NDN: variants seen among roughly 807,000 people sequenced by gnomAD.
NDN encodes necdin.
For missense variants in NDN, 465 were observed against 440.4 expected, an observed-to-expected ratio of 1.06 and a Z score of -0.50; for synonymous variants, 245 against 189.4, an observed-to-expected ratio of 1.29 and a Z score of -2.41.
Position 23,686,145 on chromosome 15 carries a change from T to G in NDN, c.*107A>C. 7.4e-7 allele frequency: 1 copy of G among 1,354,076 alleles called. No individual in the cohort carries two copies. The highest frequency in any genetic ancestry group is 9.8e-7 in the Non-Finnish European group (1 of 1,023,732). 83.9% of individuals were successfully genotyped at this position (1,354,076 alleles called of 1,614,324 possible). On this transcript the variant is annotated 3_prime_UTR_variant, in exon 1 of 1. Transcript: ENST00000649030. ...AAGCACTGTACTGAAAACTTAAAAG[T>G]TACACGTGAATACTGCACTGTAAAT...
chr15:23,686,879 G>A lies in NDN; in HGVS notation c.339C>T (p.Asp113=). Residue 113 remains aspartate (D), a synonymous_variant, in exon 1 of 1, where the codon GAC becomes GAT. Coordinates refer to ENST00000649030, the MANE Select transcript of NDN (RefSeq NM_002487.3). ...HELMWYVLVK[D]QKKMIIWFPD... ...GAAACCAGATGATCATCTTCTTCTG[G>A]TCCTTGACCAGCACGTACCACATGA... 6.2e-7 allele frequency: 1 copy of A among 1,614,070 alleles called. No individual in the cohort carries two copies. The highest frequency in any genetic ancestry group is 8.5e-7 in the Non-Finnish European group (1 of 1,179,990).
rs780472439 is a variant in NDN at position 23,686,973 on chromosome 15, G to A, written c.245C>T (p.Ala82Val). The A allele has an allele frequency of 6.6e-6, 10 of 1,517,944 alleles. No individual in the cohort carries two copies. In the South Asian group the frequency reaches 1.1e-4, roughly 17 times the overall value. The allele number at this position is 1,517,944 out of a possible 1,614,324, so 94.0% of individuals were successfully genotyped here. A position where few individuals can be genotyped will look rare whatever the true frequency, so the allele number is the denominator to read the frequency against. ...QAAEEGRAHQAPSAAQPGPAP... is the reference protein window; with the variant it reads ...QAAEEGRAHQVPSAAQPGPAP... ...CGGGCCCGGCTGGGCCGCGCTCGGG[G>A]CCTGGTGGGCGCGGCCCTCCTCCGC... The change falls in exon 1 of 1, where the codon GCC becomes GTC. Residue 82 changes from alanine to valine, a missense_variant. Physicochemically the swap from Ala to Val is moderately conservative, Grantham distance 64. Transcript: ENST00000649030.
In NDN at chr15:23,686,405, G is replaced by C. The variant is rs1891144473; in HGVS notation, c.813C>G (p.Thr271=). The change falls in exon 1 of 1, where the codon ACC becomes ACG. Residue 271 remains threonine (T), a synonymous_variant. Transcript: ENST00000649030. The stretch of plus-strand genomic sequence containing the variant: ...CCAGGAACTCCATGATTTGCATCTT[G>C]GTGATTTCGCGGCTGGCCCGGGAGC... ...FWGSRASREI[T]KMQIMEFLAR... is the part of the protein sequence containing the mutation. The C allele has an allele frequency of 2.5e-6, 4 of 1,608,644 alleles. No homozygotes were observed. Among genetic ancestry groups the C allele is most frequent in the African/African-American group, 1.3e-5 (1 of 74,776 alleles).
rs773231005 is a variant in NDN at position 23,686,948 on chromosome 15, C to T, written c.270G>A (p.Pro90=). The T allele has an allele frequency of 3.1e-6, 5 of 1,606,222 alleles. No individual in the cohort carries two copies. Among genetic ancestry groups the T allele is most frequent in the East Asian group, 2.2e-5 (1 of 44,524 alleles). ...CCAGCTGCGCCGGGGCTGGCGGTGC[C>T]GGGCCCGGCTGGGCCGCGCTCGGGG... ...HQAPSAAQPG[P]APPAPAQLVQ... The change falls in exon 1 of 1, where the codon CCG becomes CCA. Residue 90 remains proline, a synonymous_variant. Transcript: ENST00000649030.
rs749526370 is a variant in NDN at position 23,686,937 on chromosome 15, G to A, written c.281C>T (p.Ala94Val). The A allele has an allele frequency of 1.2e-6, 2 of 1,610,734 alleles. No individual in the cohort carries two copies. Among genetic ancestry groups the A allele is most frequent in the South Asian group, 2.2e-5 (2 of 90,928 alleles). ...CGCCTTCTGCACCAGCTGCGCCGGG[G>A]CTGGCGGTGCCGGGCCCGGCTGGGC... Reference protein sequence around the residue: ...SAAQPGPAPPAPAQLVQKAHE... With the variant: ...SAAQPGPAPPVPAQLVQKAHE... Residue 94 changes from alanine to valine, a missense_variant, in exon 1 of 1, where the codon GCC (alanine) becomes GTC (valine). By Grantham distance (64) the Ala-to-Val change is moderately conservative (BLOSUM62 0). Transcript: ENST00000649030.
rs754567876 is a variant in NDN at position 23,686,820 on chromosome 15, T to G, written c.398A>C (p.Lys133Thr). ...DMVKDVIGSYKKWCRSILRRT... is the reference protein window; with the variant it reads ...DMVKDVIGSYTKWCRSILRRT... ...CCGGAGGATGCTCCTGCACCACTTC[T>G]TGTAGCTGCCGATGACATCTTTCAC... The change falls in exon 1 of 1, where the codon AAG (lysine) becomes ACG (threonine). Residue 133 changes from lysine (K) to threonine (T), a missense_variant. Transcript: ENST00000649030. The G allele has an allele frequency of 1.9e-6, 3 of 1,613,964 alleles. No homozygotes were observed. Among genetic ancestry groups the G allele is most frequent in the South Asian group, 2.2e-5 (2 of 91,090 alleles).
Position 23,687,213 on chromosome 15 carries a change from G to C in NDN, c.5C>G (p.Ser2Ter). M[S>*]EQSKDLSDPN... Reference sequence around the variant, plus strand: ...GTCGCTCAGATCCTTACTTTGTTCTGACATGTCTGCGCCGTCTGGCAAGGG... The same window carrying C: ...GTCGCTCAGATCCTTACTTTGTTCTCACATGTCTGCGCCGTCTGGCAAGGG... The change falls in exon 1 of 1, where the codon TCA (serine) becomes TGA (stop). Residue 2 changes from serine (S) to a stop codon, truncating the protein, a stop_gained. Transcript: ENST00000649030. LOFTEE classifies it low-confidence loss of function (END_TRUNC). The C allele has an allele frequency of 6.8e-7, 1 of 1,476,022 alleles. No individual in the cohort carries two copies. Among genetic ancestry groups the C allele is most frequent in the Non-Finnish European group, 9.0e-7 (1 of 1,114,976 alleles). 91.4% of individuals were successfully genotyped at this position (1,476,022 alleles called of 1,614,324 possible).
In NDN at chr15:23,686,542, A is replaced by G. The variant is rs1457565036; in HGVS notation, c.676T>C (p.Ser226Pro). Residue 226 changes from serine (S) to proline (P), a missense_variant, in exon 1 of 1, where the codon TCC (serine) becomes CCC (proline). By Grantham distance (74) the Ser-to-Pro change is moderately conservative. Transcript: ENST00000649030. ...ILGLRPWKKH[S>P]TFGDVRKLIT... ...AGCTTCCGCACGTCCCCGAAGGTGGAGTGCTTCTTCCAGGGCCGCAGCCCC... is the reference window on the plus strand; with the variant it reads ...AGCTTCCGCACGTCCCCGAAGGTGGGGTGCTTCTTCCAGGGCCGCAGCCCC... 6.2e-7 allele frequency: 1 copy of G among 1,613,464 alleles called. No homozygotes were observed. The highest frequency in any genetic ancestry group is 8.5e-7 in the Non-Finnish European group (1 of 1,180,016).
In NDN at chr15:23,686,290, T is replaced by A. The variant is rs765847311; in HGVS notation, c.928A>T (p.Thr310Ser). The part of the protein sequence containing the change: ...EARALREANP[T>S]AHYPRSSVSE... ...ACACTGCTGCGAGGGTAGTGGGCAG[T>A]GGGATTAGCCTCCCGCAGAGCTCTG... The change falls in exon 1 of 1, where the codon ACT becomes TCT. Residue 310 changes from threonine to serine, a missense_variant. Physicochemically the swap from Thr to Ser is moderately conservative, Grantham distance 58. Coordinates refer to ENST00000649030, the MANE Select transcript of NDN (RefSeq NM_002487.3). 10 of 1,514,096 alleles carry A rather than the reference T, an allele frequency of 6.6e-6. No individual in the cohort carries two copies. Among genetic ancestry groups the A allele is most frequent in the Middle Eastern group, 2.5e-4 (1 of 4,006 alleles). 93.8% of individuals were successfully genotyped at this position (1,514,096 alleles called of 1,614,324 possible).
In NDN at chr15:23,686,942, C is replaced by T. The variant is rs748276612; in HGVS notation, c.276G>A (p.Pro92=). ...TCTGCACCAGCTGCGCCGGGGCTGG[C>T]GGTGCCGGGCCCGGCTGGGCCGCGC... ...APSAAQPGPA[P]PAPAQLVQKA... The change falls in exon 1 of 1, where the codon CCG becomes CCA. Residue 92 remains proline, a synonymous_variant. Transcript: ENST00000649030. The T allele has an allele frequency of 6.2e-7, 1 of 1,608,448 alleles. No homozygotes were observed. Among genetic ancestry groups the T allele is most frequent in the South Asian group, 1.1e-5 (1 of 90,802 alleles).
In NDN at chr15:23,686,956, G is replaced by T. The variant is rs200315781; in HGVS notation, c.262C>A (p.Pro88Thr). The change falls in exon 1 of 1, where the codon CCG (proline) becomes ACG (threonine). Residue 88 changes from proline (P) to threonine (T), a missense_variant. Coordinates refer to ENST00000649030, the MANE Select transcript of NDN (RefSeq NM_002487.3). ...GCCGGGGCTGGCGGTGCCGGGCCCG[G>T]CTGGGCCGCGCTCGGGGCCTGGTGG... ...RAHQAPSAAQ[P>T]GPAPPAPAQL... 100 of 1,578,460 alleles carry T rather than the reference G, an allele frequency of 6.3e-5. No individual in the cohort carries two copies. Among genetic ancestry groups the T allele is most frequent in the East Asian group, 2.1e-4 (9 of 43,436 alleles).
chr15:23,686,451 G>A lies in NDN; in HGVS notation c.767C>T (p.Pro256Leu), dbSNP rs1237201194. ...KYQRVPYVEP[P>L]EYEFFWGSRA... ...GGAGCCCCAAAAGAACTCGTATTCG[G>A]GCGGCTCCACGTATGGGACGCGCTG... The change falls in exon 1 of 1, where the codon CCC becomes CTC. Residue 256 changes from proline to leucine, a missense_variant. Pro to Leu is a moderately conservative substitution (Grantham distance 98). Coordinates refer to ENST00000649030, the MANE Select transcript of NDN (RefSeq NM_002487.3). 19 of 1,610,442 alleles carry A rather than the reference G, an allele frequency of 1.2e-5. No individual in the cohort carries two copies. Among genetic ancestry groups the A allele is most frequent in the Non-Finnish European group, 1.5e-5 (18 of 1,177,808 alleles).
In NDN at chr15:23,686,171, C is replaced by A; in HGVS notation, c.*81G>T. ...TACACGTGAATACTGCACTGTAAAT[C>A]CTGAATACTATAATGACCCACCCCC... On this transcript the variant is annotated 3_prime_UTR_variant, in exon 1 of 1. Transcript: ENST00000649030. 6.8e-7 allele frequency: 1 copy of A among 1,465,756 alleles called. No individual in the cohort carries two copies. Among genetic ancestry groups the A allele is most frequent in the Non-Finnish European group, 9.0e-7 (1 of 1,105,720 alleles). The allele number at this position is 1,465,756 out of a possible 1,614,324, so 90.8% of individuals were successfully genotyped here. A position where few individuals can be genotyped will look rare whatever the true frequency, so the allele number is the denominator to read the frequency against.
chr15:23,686,021 C>T lies in NDN; in HGVS notation c.*231G>A, dbSNP rs1891137590. 1 of 384,716 alleles carries T rather than the reference C, an allele frequency of 2.6e-6. No homozygotes were observed. Among genetic ancestry groups the T allele is most frequent in the Non-Finnish European group, 4.4e-6 (1 of 227,420 alleles). 23.8% of individuals were successfully genotyped at this position (384,716 alleles called of 1,614,324 possible). ...AAATCCAAGAAAGGTAGCACAAAAG[C>T]GAAAGCACCAACCAAGCTTACATAT... On this transcript the variant is annotated 3_prime_UTR_variant, in exon 1 of 1. Coordinates refer to ENST00000649030, the MANE Select transcript of NDN (RefSeq NM_002487.3).
At position 23,686,375 on chromosome 15, in the gene NDN, C is replaced by G. The variant is rs1891143790; in HGVS notation, c.843G>C (p.Arg281Ser). ...TKMQIMEFLARVFKKDPQAWP... is the reference protein window; with the variant it reads ...TKMQIMEFLASVFKKDPQAWP... ...AGGCCTGGGGGTCTTTCTTAAAGAC[C>G]CTGGCCAGGAACTCCATGATTTGCA... Residue 281 changes from arginine (R) to serine (S), a missense_variant, in exon 1 of 1, where the codon AGG becomes AGC. By Grantham distance (110) the Arg-to-Ser change is moderately radical (BLOSUM62 -1). Coordinates refer to ENST00000649030, the MANE Select transcript of NDN (RefSeq NM_002487.3). 6 of 1,604,900 alleles carry G rather than the reference C, an allele frequency of 3.7e-6. No individual in the cohort carries two copies. The highest frequency in any genetic ancestry group is 4.3e-6 in the Non-Finnish European group (5 of 1,175,036).
rs1425943528 is a variant in NDN, at chr15:23,686,919, T to A, written c.299A>T (p.Gln100Leu). The A allele has an allele frequency of 1.9e-6, 3 of 1,612,794 alleles. No homozygotes were observed. The highest frequency in any genetic ancestry group is 8.5e-7 in the Non-Finnish European group (1 of 1,179,526). The change falls in exon 1 of 1, where the codon CAG becomes CTG. Residue 100 changes from glutamine to leucine, a missense_variant. Physicochemically the swap from Gln to Leu is moderately radical, Grantham distance 113. Transcript: ENST00000649030. ...GTACCACATGAGCTCGTGCGCCTTCTGCACCAGCTGCGCCGGGGCTGGCGG... is the reference window on the plus strand; with the variant it reads ...GTACCACATGAGCTCGTGCGCCTTCAGCACCAGCTGCGCCGGGGCTGGCGG... ...PAPPAPAQLV[Q>L]KAHELMWYVL...
Position 23,685,590 on chromosome 15 carries a change from G to A in NDN, c.*662C>T, listed in dbSNP as rs1195151135. 2.6e-5 allele frequency: 4 copies of A among 152,178 alleles called. No individual in the cohort carries two copies. The highest frequency in any genetic ancestry group is 5.9e-5 in the Non-Finnish European group (4 of 68,022). 9.4% of individuals were successfully genotyped at this position (152,178 alleles called of 1,614,324 possible). Reference sequence around the variant, plus strand: ...TTTTCCCACCCTATTAGGGGAAATAGTTGTATCTGTATACACTGTAAAATA... The same window carrying A: ...TTTTCCCACCCTATTAGGGGAAATAATTGTATCTGTATACACTGTAAAATA... On this transcript the variant is annotated 3_prime_UTR_variant, in exon 1 of 1. Transcript: ENST00000649030.
chr15:23,685,984 T>C lies in NDN; in HGVS notation c.*268A>G. The C allele has an allele frequency of 3.6e-6, 1 of 279,040 alleles. No homozygotes were observed. 17.3% of individuals were successfully genotyped at this position (279,040 alleles called of 1,614,324 possible). A position where few individuals can be genotyped will look rare whatever the true frequency, so the allele number is the denominator to read the frequency against. On this transcript the variant is annotated 3_prime_UTR_variant, in exon 1 of 1. Coordinates refer to ENST00000649030, the MANE Select transcript of NDN (RefSeq NM_002487.3). ...CAATGTATTTCATCAGTTTAGCACA[T>C]CTCTGGTACAAAAATCCAAGAAAGG...
rs773001284 is a variant in NDN, at chr15:23,686,885, G to A, written c.333C>T (p.Val111=). The A allele has an allele frequency of 5.6e-6, 9 of 1,613,896 alleles. No homozygotes were observed. In the African/African-American group the frequency reaches 9.3e-5, roughly 17 times the overall value. ...KAHELMWYVL[V]KDQKKMIIWF... The stretch of plus-strand genomic sequence containing the variant: ...AGATGATCATCTTCTTCTGGTCCTT[G>A]ACCAGCACGTACCACATGAGCTCGT... Residue 111 remains valine, a synonymous_variant, in exon 1 of 1, where the codon GTC becomes GTT. Coordinates refer to ENST00000649030, the MANE Select transcript of NDN (RefSeq NM_002487.3).
Sources: allele counts gnomAD v4.1 joint callset, GRCh38; gene constraint gnomAD v4.1.1; transcripts MANE v1.5; gene names NCBI Gene and HGNC (gene_info 2026-07-23, HGNC 2026-07-21).